Variants in CACNG8 observed in about 807,000 individuals in gnomAD.
CACNG8 encodes the protein voltage-dependent calcium channel gamma-8 subunit.
Under a neutral mutation model 26.9 loss-of-function variants are expected in CACNG8, and 5 were observed. The observed-to-expected ratio is 0.19, with a 90% CI of 0.10 to 0.39. CACNG8 has a LOEUF of 0.39. CACNG8 is among the 10% of genes least tolerant of loss of function. The pLI is 1.00. For synonymous variants in CACNG8, 321 were observed against 296.7 expected (o/e 1.08, Z -0.84); for missense variants, 473 against 609.4 (o/e 0.78, Z 2.36).
At chr19:53,973,073 A>G (rs1381270238) in intron 1 of CACNG8, among the ~76,000 whole-genome samples, 2 of 152,236 alleles carry the variant, frequency 1.3e-5, no homozygotes, top group Non-Finnish European at 2.9e-5. Context: ...TGCTTGGAGC[A>G]GTACCTGGTG....
At chr19:53,967,165 A>C (rs990011282) in intron 1 of CACNG8, among the ~76,000 whole-genome samples, 1 of 152,140 alleles carries the variant, frequency 6.6e-6, no homozygotes, top group Non-Finnish European at 1.5e-5. Context: ...TTGTGTCTAA[A>C]CATTGTCAGC....
Position 53,973,347 on chromosome 19 carries a change from C to A in CACNG8, c.284-4799C>A, listed in dbSNP as rs143502530. ...GACCAGCCTGGCTAACATGGTGAAA[C>A]CCCATCTCTACTTAACATACAAAAA... On this transcript the variant is annotated intron_variant, in intron 1 of 3. Coordinates refer to ENST00000270458, the MANE Select transcript of CACNG8 (RefSeq NM_031895.6). 7.0e-3 allele frequency among the ~76,000 whole-genome samples: 1,060 copies of A among 152,058 alleles called. 6 individuals carry two copies. Among genetic ancestry groups the A allele is most frequent in the African/African-American group, 0.024 (1,006 of 41,462 alleles).
chr19:53,976,151 C>G (rs1016800903), intron 1 of CACNG8, among the ~76,000 whole-genome samples: 1 of 152,152 alleles, frequency 6.6e-6, no homozygotes, highest in Non-Finnish European at 1.5e-5. Context: ...TCAAGACCAG[C>G]CTGGGCAAAG....
intron 1 of CACNG8, among the ~76,000 whole-genome samples, chr19:53,976,632 C>A (rs574900621): frequency 4.5e-4 from 68 of 152,250 alleles, no homozygotes; most frequent in South Asian, 1.2e-3. Context: ...TTCATTAATT[C>A]ATTCATTCAT....
Position 53,983,591 on chromosome 19 carries a change from C to A in CACNG8, c.*742C>A, listed in dbSNP as rs1371894081. 6.6e-6 allele frequency: 1 copy of A among 152,218 alleles called. No homozygotes were observed. The highest frequency in any genetic ancestry group is 2.4e-5 in the African/African-American group (1 of 41,444). The allele number at this position is 152,218 out of a possible 1,614,324, so 9.4% of individuals were successfully genotyped here. A position where few individuals can be genotyped will look rare whatever the true frequency, so the allele number is the denominator to read the frequency against. On this transcript the variant is annotated 3_prime_UTR_variant, in exon 4 of 4. Transcript: ENST00000270458. ...CGTCTCATAGAGTAAACATCTTGTG[C>A]ATGAGACAGGCATTAATCGATCATG...
Position 53,982,836 on chromosome 19 carries a change from C to T in CACNG8, c.1265C>T (p.Thr422Ile). Reference sequence around the variant, plus strand: ...AACACCAACACGCTCAACAGGAAAACCACGCCTGTGTAGGGGCGCGGCGGG... The same window carrying T: ...AACACCAACACGCTCAACAGGAAAATCACGCCTGTGTAGGGGCGCGGCGGG... Residue 422 changes from threonine (T) to isoleucine (I), a missense_variant, in exon 4 of 4, where the codon ACC becomes ATC. By Grantham distance (89) the Thr-to-Ile change is moderately conservative (BLOSUM62 -1). Around this residue, in one of 6 missense-constraint regions of CACNG8, gnomAD observed 212 missense variants for 214.4 expected, o/e 0.99. Transcript: ENST00000270458. The surrounding 1 kb of genome is among the most constrained non-coding windows in gnomAD (Gnocchi z 8.4). 7.3e-7 allele frequency: 1 copy of T among 1,368,674 alleles called. No individual in the cohort carries two copies. Among genetic ancestry groups the T allele is most frequent in the Non-Finnish European group, 9.5e-7 (1 of 1,054,470 alleles). The allele number at this position is 1,368,674 out of a possible 1,614,324, so 84.8% of individuals were successfully genotyped here.
At chr19:53,970,807 C>T (rs1347543245) in intron 1 of CACNG8, among the ~76,000 whole-genome samples, 2 of 150,206 alleles carry the variant, frequency 1.3e-5, no homozygotes, top group African/African-American at 2.5e-5. Context: ...TGATACATGC[C>T]TGTAGTCCCC....
intron 3 of CACNG8, 81 bp downstream of exon 3, chr19:53,980,088 G>GCA: frequency 7.3e-7 from 1 of 1,367,174 alleles, no homozygotes; most frequent in Non-Finnish European, 9.6e-7. Flanking sequence ...GTGTGTGTGC[G>GCA]CGCGCGCGCG....
rs2145945072 is a variant in CACNG8, at chr19:53,986,432, A to T, written c.*3583A>T. ...TAAATAATATCATTTCAGTAACCAA[A>T]AAGTGCTTTAAAAATTAAGCTGAAG... On this transcript the variant is annotated 3_prime_UTR_variant, in exon 4 of 4. Transcript: ENST00000270458. 6.6e-6 allele frequency: 1 copy of T among 152,278 alleles called. No homozygotes were observed. The highest frequency in any genetic ancestry group is 1.9e-4 in the East Asian group (1 of 5,180). 9.4% of individuals were successfully genotyped at this position (152,278 alleles called of 1,614,324 possible).
intron 3 of CACNG8, among the ~76,000 whole-genome samples, chr19:53,981,006 G>A (rs2069363673): frequency 1.3e-5 from 2 of 152,116 alleles, no homozygotes; most frequent in Non-Finnish European, 1.5e-5. Context: ...AAGGACCCGA[G>A]ACCGGCAAGG....
chr19:53,989,848 T>C lies in CACNG8; in HGVS notation c.*6999T>C, dbSNP rs1258376221. The C allele has an allele frequency of 1.3e-5, 2 of 152,656 alleles. No individual in the cohort carries two copies. Among genetic ancestry groups the C allele is most frequent in the East Asian group, 3.9e-4 (2 of 5,190 alleles). The allele number at this position is 152,656 out of a possible 1,614,324, so 9.5% of individuals were successfully genotyped here. On this transcript the variant is annotated 3_prime_UTR_variant, in exon 4 of 4. Coordinates refer to ENST00000270458, the MANE Select transcript of CACNG8 (RefSeq NM_031895.6). ...TGAGGATGCCAAGGTGAATTCCTCCTGTGCCTGGCCCCGGCCCCAGTCTGC... is the reference window on the plus strand; with the variant it reads ...TGAGGATGCCAAGGTGAATTCCTCCCGTGCCTGGCCCCGGCCCCAGTCTGC...
chr19:53,982,444 C>T lies in CACNG8; in HGVS notation c.873C>T (p.Pro291=), dbSNP rs577312704. Residue 291 remains proline, a synonymous_variant, in exon 4 of 4, where the codon CCC becomes CCT. Coordinates refer to ENST00000270458, the MANE Select transcript of CACNG8 (RefSeq NM_031895.6). The surrounding 1 kb of genome is among the most constrained non-coding windows in gnomAD (Gnocchi z 8.4). ...CGTCGCCGTCGCGGGACGCGTCTCCCGGCGGCCCCGGGGGCCCGGGCTTTG... is the reference window on the plus strand; with the variant it reads ...CGTCGCCGTCGCGGGACGCGTCTCCTGGCGGCCCCGGGGGCCCGGGCTTTG... The T allele has an allele frequency of 6.6e-7, 1 of 1,517,458 alleles. No individual in the cohort carries two copies. Among genetic ancestry groups the T allele is most frequent in the South Asian group, 1.2e-5 (1 of 81,926 alleles). The allele number at this position is 1,517,458 out of a possible 1,614,324, so 94.0% of individuals were successfully genotyped here. A position where few individuals can be genotyped will look rare whatever the true frequency, so the allele number is the denominator to read the frequency against.
Position 53,982,597 on chromosome 19 carries a change from C to CG in CACNG8, c.1027dup (p.Ala343GlyfsTer154), listed in dbSNP as rs2069378122. On this transcript the variant is annotated frameshift_variant, in exon 4 of 4. Transcript: ENST00000270458. LOFTEE classifies it high-confidence loss of function. The surrounding 1 kb of genome is among the most constrained non-coding windows in gnomAD (Gnocchi z 8.4). ...GGGCGTTCGGCGGCGCGGCCGGGGGCGCCGGGGGCGGCGGCGGAGGCGGCG... is the reference window on the plus strand; with the variant it reads ...GGGCGTTCGGCGGCGCGGCCGGGGGCGGCCGGGGGCGGCGGCGGAGGCGGCG... The CG allele has an allele frequency of 7.5e-5, 71 of 951,362 alleles. No homozygotes were observed. Among genetic ancestry groups the CG allele is most frequent in the Non-Finnish European group, 8.0e-5 (64 of 802,030 alleles). 58.9% of individuals were successfully genotyped at this position (951,362 alleles called of 1,614,324 possible). A position where few individuals can be genotyped will look rare whatever the true frequency, so the allele number is the denominator to read the frequency against.
Position 53,983,057 on chromosome 19 carries a change from G to A in CACNG8, c.*208G>A. ...GGCAGGGGAGGGAGGGGGCCGCTGT[G>A]AGGGAGCGTCGTGTTTTATTTTTTT... is the stretch of plus-strand genomic sequence containing the variant. On this transcript the variant is annotated 3_prime_UTR_variant, in exon 4 of 4. Transcript: ENST00000270458. The A allele has an allele frequency of 8.0e-6, 2 of 251,090 alleles. No individual in the cohort carries two copies. The allele number at this position is 251,090 out of a possible 1,614,324, so 15.6% of individuals were successfully genotyped here. A position where few individuals can be genotyped will look rare whatever the true frequency, so the allele number is the denominator to read the frequency against.
chr19:53,979,064 A>G (rs2069348012), intron 2 of CACNG8, among the ~76,000 whole-genome samples: 1 of 136,736 alleles, frequency 7.3e-6, no homozygotes, highest in Admixed American at 7.3e-5. Context: ...AAAAAAAAAG[A>G]GGGGGGAGAG....
intron 1 of CACNG8, among the ~76,000 whole-genome samples, chr19:53,965,522 G>T (rs2069267470): frequency 6.6e-6 from 1 of 151,942 alleles, no homozygotes; most frequent in African/African-American, 2.4e-5. Flanking sequence ...CATCATGGGA[G>T]CCCTAGGACA....
intron 3 of CACNG8, 69 bp downstream of exon 3, chr19:53,980,076 G>GTC: frequency 6.9e-7 from 1 of 1,440,636 alleles, no homozygotes; most frequent in African/African-American, 1.4e-5. Context: ...GTGTGTGTGT[G>GTC]TGTGTGTGTG....
chr19:53,980,195 C>T (rs974587374), intron 3 of CACNG8, among the ~76,000 whole-genome samples, 188 bp downstream of exon 3: 8 of 152,166 alleles, frequency 5.3e-5, no homozygotes, highest in Non-Finnish European at 1.2e-4. Context: ...AGCTCCATCG[C>T]CACCCGCTGG....
rs1039448200 is a variant in CACNG8 at position 53,978,370 on chromosome 19, T to C, written c.367+141T>C. 6.2e-6 allele frequency: 4 copies of C among 641,618 alleles called. No homozygotes were observed. The African/African-American group carries it at 7.3e-5, about 12-fold the overall frequency. 39.7% of individuals were successfully genotyped at this position (641,618 alleles called of 1,614,324 possible). On this transcript the variant is annotated intron_variant, in intron 2 of 3. Transcript: ENST00000270458. ...AGGTTAGCCTCCCAGCCAATCCGAG[T>C]CCAGATAGTGAGATCCTCTGGTCCC...
Sources: gnomAD v4.1 joint callset for allele counts (sites outside exome capture counted in the v4.1 genomes callset) on GRCh38, gnomAD v4.1.1 for gene constraint, gnomAD v4.1.1 regional missense constraint, Gnocchi (gnomAD v3.1) non-coding constraint, MANE v1.5 for transcripts, NCBI Gene and HGNC (gene_info 2026-07-23, HGNC 2026-07-21) for gene names.